CHRM3: variants seen among roughly 807,000 people sequenced by gnomAD.
The protein encoded by CHRM3 is muscarinic acetylcholine receptor M3.
A neutral mutation model predicts 41.8 loss-of-function variants in CHRM3; 11 were observed. The observed-to-expected ratio is 0.26, with a 90% CI of 0.17 to 0.44. The LOEUF is 0.44. CHRM3 is among the 20% of genes least tolerant of loss of function. The pLI is 1.00. For synonymous variants in CHRM3, 297 were observed against 301.4 expected, an observed-to-expected ratio of 0.99 and a Z score of 0.15; for missense variants, 571 against 745.4, an observed-to-expected ratio of 0.77 and a Z score of 2.72.
intron 6 of CHRM3, among the ~76,000 whole-genome samples, chr1:239,858,914 CA>C (rs1351146190): frequency 1.3e-5 from 2 of 152,180 alleles, no homozygotes; most frequent in Non-Finnish European, 2.9e-5. Flanking sequence ...GAGATCCATC[CA>C]CCTTGTACCA....
intron 6 of CHRM3, among the ~76,000 whole-genome samples, chr1:239,891,381 A>C (rs7521361): frequency 6.6e-6 from 1 of 151,998 alleles, no homozygotes; most frequent in Non-Finnish European, 1.5e-5. Context: ...TTCCATTTGC[A>C]TTGCTTTCAC....
rs34673324 is a variant in CHRM3 at position 239,782,985 on chromosome 1, G to GTT, written c.-146-44261_-146-44260dup. ...TAAAGCAGACGTTGTTTGATTTCTA[G>GTT]TTTTTTTAATTTGTTAAAGTGTGTT... On this transcript the variant is annotated intron_variant, in intron 5 of 6. Transcript: ENST00000676153. 9.2e-5 allele frequency among the ~76,000 whole-genome samples: 14 copies of GTT among 151,786 alleles called. No individual in the cohort carries two copies. The East Asian group carries it at 1.2e-3, about 13-fold the overall frequency.
intron 2 of CHRM3, among the ~76,000 whole-genome samples, chr1:239,500,282 CA>C (rs1395427039): frequency 6.6e-6 from 1 of 152,020 alleles, no homozygotes. Context: ...GAATACTATG[CA>C]GACATAAAAA....
intron 1 of CHRM3, among the ~76,000 whole-genome samples, chr1:239,400,145 G>A (rs770558097): frequency 6.6e-6 from 1 of 152,202 alleles, no homozygotes; most frequent in Non-Finnish European, 1.5e-5. Flanking sequence ...CTGGCCTTAA[G>A]TGATCCGCCC....
At chr1:239,421,895 C>T (rs1001073462) in intron 1 of CHRM3, among the ~76,000 whole-genome samples, 8 of 151,846 alleles carry the variant, frequency 5.3e-5, no homozygotes, top group African/African-American at 1.7e-4. Flanking sequence ...TTTCTTTTCA[C>T]TTGTTAAGAA....
chr1:239,522,285 TGA>T (rs1669700545), intron 2 of CHRM3, among the ~76,000 whole-genome samples: 1 of 151,970 alleles, frequency 6.6e-6, no homozygotes, highest in South Asian at 2.1e-4. Flanking sequence ...CCCTGGAGAG[TGA>T]GAGGGTCACA....
intron 5 of CHRM3, among the ~76,000 whole-genome samples, chr1:239,695,346 T>A (rs1307630767): frequency 6.6e-6 from 1 of 152,198 alleles, no homozygotes; most frequent in Non-Finnish European, 1.5e-5. Context: ...TCTTATTTTT[T>A]AATATTTTGT....
At position 239,510,424 on chromosome 1, in the gene CHRM3, C is replaced by T. The variant is rs1218535782; in HGVS notation, c.-422+17617C>T. Among the ~76,000 whole-genome samples, 4 of 152,214 alleles carry T rather than the reference C, an allele frequency of 2.6e-5. No homozygotes were observed. In the South Asian group the frequency reaches 6.2e-4, roughly 24 times the overall value. ...GGTGGGGACATGAAAATGCTGTAGC[C>T]GTCTTGTGACCATCACAGAGAGGCT... On this transcript the variant is annotated intron_variant, in intron 2 of 6. Transcript: ENST00000676153.
chr1:239,802,286 A>G (rs750282366), intron 5 of CHRM3, among the ~76,000 whole-genome samples: 10 of 152,212 alleles, frequency 6.6e-5, no homozygotes, highest in African/African-American at 9.7e-5. Flanking sequence ...AGCATGTGCC[A>G]TAGAAAAAAA....
intron 2 of CHRM3, among the ~76,000 whole-genome samples, chr1:239,539,776 G>T (rs567963532): frequency 9.9e-6 from 1 of 100,806 alleles, no homozygotes; most frequent in East Asian, 3.6e-4. Flanking sequence ...GACCATGCCC[G>T]GCTAATTTTG....
chr1:239,741,082 C>T (rs1664808110), intron 5 of CHRM3, among the ~76,000 whole-genome samples: 1 of 152,140 alleles, frequency 6.6e-6, no homozygotes, highest in Admixed American at 6.6e-5. Context: ...TTGTTAGGTT[C>T]ATGGCTAAGG....
chr1:239,587,264 A>G (rs1663520626), intron 3 of CHRM3, among the ~76,000 whole-genome samples: 1 of 152,212 alleles, frequency 6.6e-6, no homozygotes, highest in Admixed American at 6.5e-5. Context: ...AGACAGTAGC[A>G]TGCTGCTCAC....
chr1:239,898,037 T>G lies in CHRM3; in HGVS notation c.-19-9396T>G, dbSNP rs1362226485. ...AAAATTCCCCTTTTTAAATAGAATT[T>G]TATTCCGGTTTTGGTGTTCAGAGAT... On this transcript the variant is annotated intron_variant, in intron 6 of 6. Transcript: ENST00000676153. 3 of 152,218 alleles carry G rather than the reference T, an allele frequency of 2.0e-5. No individual in the cohort carries two copies. The East Asian group carries it at 5.8e-4, about 29-fold the overall frequency. 9.4% of individuals were successfully genotyped at this position (152,218 alleles called of 1,614,324 possible).
chr1:239,865,958 A>C (rs1676054607), intron 6 of CHRM3, among the ~76,000 whole-genome samples: 1 of 152,138 alleles, frequency 6.6e-6, no homozygotes, highest in South Asian at 2.1e-4. Flanking sequence ...CTTGCCTCCC[A>C]CAAGGGTCTA....
intron 2 of CHRM3, among the ~76,000 whole-genome samples, chr1:239,515,229 T>C (rs1285295268): frequency 6.6e-6 from 1 of 151,730 alleles, no homozygotes; most frequent in Non-Finnish European, 1.5e-5. Context: ...AAATGCCTAA[T>C]AAAATAAAAT....
At chr1:239,809,858 T>G (rs1290266812) in intron 5 of CHRM3, among the ~76,000 whole-genome samples, 2 of 152,082 alleles carry the variant, frequency 1.3e-5, no homozygotes, top group African/African-American at 4.8e-5. Flanking sequence ...TCCACTGAGA[T>G]GTTTGGGCCT....
At chr1:239,841,225 A>G (rs913911850) in intron 6 of CHRM3, among the ~76,000 whole-genome samples, 1 of 152,222 alleles carries the variant, frequency 6.6e-6, no homozygotes. Context: ...TCTTGATATC[A>G]GTCTTTCCTT....
At chr1:239,403,976 G>GGAGAGA (rs531556599) in intron 1 of CHRM3, among the ~76,000 whole-genome samples, 5,039 of 46,454 alleles carry the variant, frequency 0.11, 672 homozygotes, top group Non-Finnish European at 0.13. Context: ...AGAGGGAGGG[G>GGAGAGA]GAGAGAGAGA....
intron 1 of CHRM3, among the ~76,000 whole-genome samples, chr1:239,481,111 C>T (rs1013882027): frequency 6.6e-6 from 1 of 152,118 alleles, no homozygotes; most frequent in Non-Finnish European, 1.5e-5. Flanking sequence ...GGGGTACATA[C>T]ATGTAAGTGT....
Sources: allele counts gnomAD v4.1 joint callset (sites outside exome capture counted in the v4.1 genomes callset), GRCh38; gene constraint gnomAD v4.1.1; transcripts MANE v1.5; gene names NCBI Gene and HGNC (gene_info 2026-07-23, HGNC 2026-07-21).